The following PHACTR2 variants were observed in gnomAD, a reference collection of about 807,000 sequenced individuals.
PHACTR2 encodes chromosome 6 open reading frame 56.
PHACTR2 carries 30 observed loss-of-function variants against 76.0 expected under a neutral mutation model. The observed-to-expected ratio is 0.39, with a 90% CI of 0.30 to 0.54. The LOEUF (loss-of-function observed/expected upper bound fraction) is 0.54. Among genes scored for constraint, PHACTR2 ranks in the 20% least tolerant of loss-of-function variants. The pLI, the probability that PHACTR2 is intolerant of heterozygous loss-of-function variation, is 0.61. For synonymous variants in PHACTR2, 292 were observed against 292.5 expected (o/e 1.00, Z 0.02); for missense variants, 696 against 781.1 (o/e 0.89, Z 1.30).
intron 12 of PHACTR2, chr6:143,810,528 C>A (rs1487573095): frequency 2.2e-6 from 1 of 451,110 alleles, no homozygotes; most frequent in Non-Finnish European, 4.5e-6. Context: ...GATTGGGCAT[C>A]TTAACATACC....
At chr6:143,563,422 G>A (rs1267956159) in intron 1 of PHACTR2, among the ~76,000 whole-genome samples, 1 of 151,260 alleles carries the variant, frequency 6.6e-6, no homozygotes, top group African/African-American at 2.4e-5. Flanking sequence ...CAGGCATGGT[G>A]GCACACACCT....
chr6:143,725,820 CAAAAA>C (rs35596471), intron 2 of PHACTR2, among the ~76,000 whole-genome samples: 3 of 131,980 alleles, frequency 2.3e-5, no homozygotes, highest in Admixed American at 7.7e-5. Flanking sequence ...GACTCTGTCT[CAAAAA>C]AAAAAAAAAA....
chr6:143,793,773 C>G lies in PHACTR2; in HGVS notation c.1845+4863C>G, dbSNP rs550856834. On this transcript the variant is annotated intron_variant, in intron 11 of 12. Coordinates refer to ENST00000440869, the MANE Select transcript of PHACTR2 (RefSeq NM_001100164.2). The surrounding 1 kb of genome is among the most constrained non-coding windows in gnomAD (Gnocchi z 4.4). ...CTACTAAAAAATACAAAAAATTAGCCGGGTGTGGTGGCGCGTACCTGTAGT... is the reference window on the plus strand; with the variant it reads ...CTACTAAAAAATACAAAAAATTAGCGGGGTGTGGTGGCGCGTACCTGTAGT... Among the ~76,000 whole-genome samples the G allele has an allele frequency of 6.6e-6, 1 of 151,862 alleles. No homozygotes were observed. Among genetic ancestry groups the G allele is most frequent in the Admixed American group, 6.6e-5 (1 of 15,238 alleles).
intron 2 of PHACTR2, among the ~76,000 whole-genome samples, chr6:143,747,956 C>T (rs969578302): frequency 1.3e-5 from 2 of 152,204 alleles, no homozygotes; most frequent in Non-Finnish European, 2.9e-5. Flanking sequence ...TGCTCCGGAG[C>T]TCCCAAGCCC....
rs1162373824 is a variant in PHACTR2, at chr6:143,695,534, C to T, written c.47-16482C>T. Among the ~76,000 whole-genome samples, 1 of 152,308 alleles carries T rather than the reference C, an allele frequency of 6.6e-6. No individual in the cohort carries two copies. The highest frequency in any genetic ancestry group is 2.1e-4 in the South Asian group (1 of 4,830). Reference sequence around the variant, plus strand: ...TTAATTGCTTGTGGTTTTGCAGTGCCAGTCCAGGTTTATTTTCATTGCTGG... The same window carrying T: ...TTAATTGCTTGTGGTTTTGCAGTGCTAGTCCAGGTTTATTTTCATTGCTGG... On this transcript the variant is annotated intron_variant, in intron 1 of 12. Coordinates refer to ENST00000440869, the MANE Select transcript of PHACTR2 (RefSeq NM_001100164.2). The surrounding 1 kb of genome is among the most constrained non-coding windows in gnomAD (Gnocchi z 4.4).
chr6:143,677,987 CGCCGGCTGCGGCCG>C lies in PHACTR2; in HGVS notation c.-171_-158del. On this transcript the variant is annotated 5_prime_UTR_variant, in exon 1 of 13. Coordinates refer to ENST00000440869, the MANE Select transcript of PHACTR2 (RefSeq NM_001100164.2). ...GGCATCCGCTGGGCAGGATCCGCCG[CGCCGGCTGCGGCCG>C]GCCGGGCTGGGAGACCCGCGCGGGG... is the stretch of plus-strand genomic sequence containing the variant. 2.1e-6 allele frequency: 3 copies of C among 1,438,280 alleles called. No individual in the cohort carries two copies. Among genetic ancestry groups the C allele is most frequent in the South Asian group, 2.8e-5 (2 of 71,016 alleles). 89.1% of individuals were successfully genotyped at this position (1,438,280 alleles called of 1,614,324 possible).
intron 9 of PHACTR2, among the ~76,000 whole-genome samples, chr6:143,779,896 G>A (rs1429820851): frequency 7.1e-5 from 8 of 111,954 alleles, no homozygotes; most frequent in East Asian, 2.6e-4. Context: ...TTACATATAC[G>A]TATTTATATT....
At chr6:143,579,051 A>G (rs991211428) in intron 1 of PHACTR2, among the ~76,000 whole-genome samples, 2 of 151,958 alleles carry the variant, frequency 1.3e-5, no homozygotes, top group African/African-American at 2.4e-5. Context: ...CTACAGGTGC[A>G]TGCCACCACA....
At chr6:143,805,701 A>G (rs569982865) in intron 11 of PHACTR2, among the ~76,000 whole-genome samples, 1 of 152,242 alleles carries the variant, frequency 6.6e-6, no homozygotes, top group Admixed American at 6.5e-5. Flanking sequence ...TTGCTTCTTC[A>G]TTTCCAAAAG....
chr6:143,737,197 C>T (rs1339498218), intron 2 of PHACTR2, among the ~76,000 whole-genome samples: 1 of 151,372 alleles, frequency 6.6e-6, no homozygotes, highest in Non-Finnish European at 1.5e-5. Context: ...GACAAGAATA[C>T]TTCTACACAT....
intron 2 of PHACTR2, among the ~76,000 whole-genome samples, chr6:143,747,842 C>T (rs1779098842): frequency 6.6e-6 from 1 of 152,152 alleles, no homozygotes; most frequent in Non-Finnish European, 1.5e-5. Context: ...ATTTTACGCA[C>T]CTTCTTGGCC....
chr6:143,655,593 G>T (rs1173300764), intron 1 of PHACTR2, among the ~76,000 whole-genome samples: 1 of 152,042 alleles, frequency 6.6e-6, no homozygotes, highest in Non-Finnish European at 1.5e-5. Flanking sequence ...GACTTCACTT[G>T]CTTTCTCAGA....
In PHACTR2 at chr6:143,659,947, A is replaced by G. The variant is rs1337271860; in HGVS notation, c.13+51625A>G. ...AAAAGAGAAGTTGAACAGAACTTTA[A>G]CTGGGAACACTAAAAACTTAAATGT... is the stretch of plus-strand genomic sequence containing the variant. On this transcript the variant is annotated intron_variant, in intron 1 of 11. Transcript: ENST00000305766. This position sits in a 1 kb window ranked among gnomAD's most constrained non-coding sequence, Gnocchi z 5.0. Among the ~76,000 whole-genome samples the G allele has an allele frequency of 6.6e-6, 1 of 152,234 alleles. No individual in the cohort carries two copies. Among genetic ancestry groups the G allele is most frequent in the Non-Finnish European group, 1.5e-5 (1 of 68,038 alleles).
chr6:143,542,931 T>C (rs1466319189), intron 1 of PHACTR2, among the ~76,000 whole-genome samples: 3 of 152,204 alleles, frequency 2.0e-5, no homozygotes, highest in Non-Finnish European at 4.4e-5. Context: ...GCCTGGCCAG[T>C]TTCCATTCGT....
intron 2 of PHACTR2, among the ~76,000 whole-genome samples, chr6:143,735,675 G>A (rs1270697901): frequency 6.7e-6 from 1 of 150,036 alleles, no homozygotes; most frequent in Non-Finnish European, 1.5e-5. Flanking sequence ...TGACACCAAT[G>A]AAAGTTTAAT....
In PHACTR2 at chr6:143,554,802, T is replaced by C. The variant is rs1435793326; in HGVS notation, c.217+17595T>C. 1 of 152,186 alleles carries C rather than the reference T, an allele frequency of 6.6e-6. No homozygotes were observed. The highest frequency in any genetic ancestry group is 2.4e-5 in the African/African-American group (1 of 41,444). The allele number at this position is 152,186 out of a possible 1,614,324, so 9.4% of individuals were successfully genotyped here. ...AATTTTGTCTTTCCCTGATTACTAT[T>C]GAACCTAGGAAATATTTTATATTAT... is the stretch of plus-strand genomic sequence containing the variant. On this transcript the variant is annotated intron_variant, in intron 1 of 11. Transcript: ENST00000367584. This position sits in a 1 kb window ranked among gnomAD's most constrained non-coding sequence, Gnocchi z 5.9.
At position 143,618,750 on chromosome 6, in the gene PHACTR2, C is replaced by T. The variant is rs573596633; in HGVS notation, c.13+10428C>T. Among the ~76,000 whole-genome samples, 53 of 152,188 alleles carry T rather than the reference C, an allele frequency of 3.5e-4. No individual in the cohort carries two copies. Among genetic ancestry groups the T allele is most frequent in the African/African-American group, 1.2e-3 (48 of 41,514 alleles). On this transcript the variant is annotated intron_variant, in intron 1 of 11. Coordinates refer to the PHACTR2 transcript ENST00000305766. This position sits in a 1 kb window ranked among gnomAD's most constrained non-coding sequence, Gnocchi z 5.2. Reference sequence around the variant, plus strand: ...TGTCTTAGCCTCAGCTCAAGTGTCCCCGTTTGCTCCAAACCATCCTCAACT... The same window carrying T: ...TGTCTTAGCCTCAGCTCAAGTGTCCTCGTTTGCTCCAAACCATCCTCAACT...
In PHACTR2 at chr6:143,763,125, G is replaced by A. The variant is rs528793830; in HGVS notation, c.695-2136G>A. Among the ~76,000 whole-genome samples, 180 of 152,222 alleles carry A rather than the reference G, an allele frequency of 1.2e-3. 1 individual carries two copies. Among genetic ancestry groups the A allele is most frequent in the Non-Finnish European group, 2.3e-3 (154 of 68,010 alleles). ...TGTAATCCCAGCACTTTGGGAGGCC[G>A]AGGCAGGTGGATCACCTGAGGTCAA... is the stretch of plus-strand genomic sequence containing the variant. On this transcript the variant is annotated intron_variant, in intron 5 of 12. Transcript: ENST00000440869.
chr6:143,662,953 AT>A lies in PHACTR2; in HGVS notation c.14-49062del, dbSNP rs1217806086. Among the ~76,000 whole-genome samples, 1 of 152,182 alleles carries A rather than the reference AT, an allele frequency of 6.6e-6. No homozygotes were observed. The highest frequency in any genetic ancestry group is 1.5e-5 in the Non-Finnish European group (1 of 68,028). On this transcript the variant is annotated intron_variant, in intron 1 of 11. Transcript: ENST00000305766. The surrounding 1 kb of genome is among the most constrained non-coding windows in gnomAD (Gnocchi z 4.7). ...GTTTAGCTCCCACTTATAAGTGAGAATATGTGATATTTGGTTTTCTGTTCCT... is the reference window on the plus strand; with the variant it reads ...GTTTAGCTCCCACTTATAAGTGAGAAATGTGATATTTGGTTTTCTGTTCCT...
Sources: gnomAD v4.1 joint callset for allele counts (sites outside exome capture counted in the v4.1 genomes callset) on GRCh38, gnomAD v4.1.1 for gene constraint, Gnocchi (gnomAD v3.1) non-coding constraint, MANE v1.5 for transcripts, NCBI Gene and HGNC (gene_info 2026-07-23, HGNC 2026-07-21) for gene names.